Variants in MSRA observed in about 807,000 individuals in gnomAD.
The protein encoded by MSRA is methionine sulfoxide reductase A, also known as mitochondrial peptide methionine sulfoxide reductase.
MSRA carries 54 observed loss-of-function variants against 31.3 expected under a neutral mutation model. That is an observed-to-expected ratio of 1.73 (90% CI 1.39 to 2.17). The LOEUF is 2.17. Among genes scored for constraint, MSRA ranks in the 30% most tolerant of loss-of-function variants. MSRA has a pLI of 0.00. For missense variants in MSRA, 507 were observed against 300.9 expected (o/e 1.69, Z -5.07); for synonymous variants, 169 against 116.5 (o/e 1.45, Z -2.90).
At chr8:10,343,040 CACACACACACACAG>C (rs1478571781) in intron 5 of MSRA, among the ~76,000 whole-genome samples, 1,155 of 108,338 alleles carry the variant, frequency 0.011, 6 homozygotes, top group African/African-American at 0.02. Context: ...CACACACACA[CACACACACACACAG>C]ACACACACAC....
At chr8:10,140,105 G>C (rs1273214751) in intron 1 of MSRA, among the ~76,000 whole-genome samples, 1 of 152,244 alleles carries the variant, frequency 6.6e-6, no homozygotes, top group Non-Finnish European at 1.5e-5. Flanking sequence ...TTGATGAAGA[G>C]AGGACAGATG....
At chr8:10,071,412 G>A (rs1224690157) in intron 1 of MSRA, among the ~76,000 whole-genome samples, 1 of 149,120 alleles carries the variant, frequency 6.7e-6, no homozygotes, top group Non-Finnish European at 1.5e-5. Context: ...TTAGATATGT[G>A]GTTTGTAAAT....
intron 1 of MSRA, 44 bp downstream of exon 1, chr8:10,054,702 A>G (rs532030632): frequency 6.8e-7 from 1 of 1,469,110 alleles, no homozygotes; most frequent in East Asian, 2.8e-5. Flanking sequence ...GACGCTGCGC[A>G]TGCGCGCCTT....
At chr8:10,171,407 C>A (rs1379619255) in intron 1 of MSRA, among the ~76,000 whole-genome samples, 2 of 146,548 alleles carry the variant, frequency 1.4e-5, no homozygotes, top group African/African-American at 5.0e-5. Context: ...AGGAAATGAA[C>A]AGCTCTCTAC....
intron 1 of MSRA, among the ~76,000 whole-genome samples, chr8:10,115,785 A>G (rs955314778): frequency 1.3e-5 from 2 of 152,318 alleles, no homozygotes; most frequent in Admixed American, 6.5e-5. Flanking sequence ...TCACTGCTGT[A>G]TCCCCAGCAT....
intron 1 of MSRA, among the ~76,000 whole-genome samples, chr8:10,182,699 G>T (rs1379228306): frequency 1.3e-5 from 2 of 152,152 alleles, no homozygotes; most frequent in Non-Finnish European, 2.9e-5. Context: ...GAGCCATTGG[G>T]CTCAGGGCCT....
At chr8:10,384,090 A>C (rs1806239743) in intron 5 of MSRA, among the ~76,000 whole-genome samples, 1 of 152,148 alleles carries the variant, frequency 6.6e-6, no homozygotes, top group Non-Finnish European at 1.5e-5. Flanking sequence ...TTTAGCTGCC[A>C]GTTTCAGGCC....
intron 1 of MSRA, among the ~76,000 whole-genome samples, chr8:10,082,486 C>T (rs1798344883): frequency 6.6e-6 from 1 of 152,180 alleles, no homozygotes; most frequent in African/African-American, 2.4e-5. Flanking sequence ...GTCATCTTTT[C>T]TCCCACAAAA....
chr8:10,223,763 T>C (rs1333097531), intron 2 of MSRA, among the ~76,000 whole-genome samples: 1 of 152,094 alleles, frequency 6.6e-6, no homozygotes, highest in Non-Finnish European at 1.5e-5. Flanking sequence ...CAAATCTAGA[T>C]GGTTAAAGGC....
At chr8:10,373,836 G>C (rs1422341083) in intron 5 of MSRA, among the ~76,000 whole-genome samples, 1 of 152,232 alleles carries the variant, frequency 6.6e-6, no homozygotes, top group Non-Finnish European at 1.5e-5. Context: ...TGAGCCCCTG[G>C]AGGGCTCTGA....
chr8:10,280,576 GA>G (rs1477224898), intron 3 of MSRA, among the ~76,000 whole-genome samples: 11 of 152,288 alleles, frequency 7.2e-5, no homozygotes, highest in African/African-American at 2.6e-4. Flanking sequence ...GGTATGAAGG[GA>G]AAATCGTGTA....
intron 4 of MSRA, among the ~76,000 whole-genome samples, chr8:10,309,638 G>A (rs965574893): frequency 2.6e-5 from 4 of 152,176 alleles, no homozygotes; most frequent in Non-Finnish European, 4.4e-5. Flanking sequence ...GGGCTGCACC[G>A]TCTATGCTGT....
In MSRA at chr8:10,174,582, C is replaced by G. The variant is rs139792314; in HGVS notation, c.143-33251C>G. Among the ~76,000 whole-genome samples the G allele has an allele frequency of 3.8e-3, 580 of 152,250 alleles. 6 individuals are homozygous for G. Among genetic ancestry groups the G allele is most frequent in the African/African-American group, 0.014 (561 of 41,554 alleles). On this transcript the variant is annotated intron_variant, in intron 1 of 5. Coordinates refer to ENST00000317173, the MANE Select transcript of MSRA (RefSeq NM_012331.5). ...TGCAGTCCTACGTTCTTCGCACTCT[C>G]TCAGCTTCCTCCCCTGAGCTCATCC...
chr8:10,403,486 C>G (rs945721279), intron 5 of MSRA, among the ~76,000 whole-genome samples: 1 of 152,184 alleles, frequency 6.6e-6, no homozygotes, highest in Non-Finnish European at 1.5e-5. Flanking sequence ...CTGGCTGGGA[C>G]TAGAGAGCCT....
At chr8:10,251,019 C>T (rs954059802) in intron 3 of MSRA, 1 of 152,286 alleles carries the variant, frequency 6.6e-6, no homozygotes, top group African/African-American at 2.4e-5. Context: ...GGGCTGGGGC[C>T]AGCTTGTGGT....
chr8:10,287,373 A>G (rs913578294), intron 3 of MSRA, among the ~76,000 whole-genome samples: 3 of 152,220 alleles, frequency 2.0e-5, no homozygotes, highest in Non-Finnish European at 2.9e-5. Context: ...TGGAGTTCCC[A>G]TGAAGATTTA....
intron 5 of MSRA, among the ~76,000 whole-genome samples, chr8:10,320,542 T>C (rs1801991867): frequency 6.6e-6 from 1 of 152,250 alleles, no homozygotes; most frequent in African/African-American, 2.4e-5. Context: ...CACAGCCTGT[T>C]AAAATAAGTC....
At chr8:10,118,199 T>A (rs6995859) in intron 1 of MSRA, among the ~76,000 whole-genome samples, 76,748 of 152,016 alleles carry the variant, frequency 0.5, 20,367 homozygotes, top group East Asian at 0.95. Flanking sequence ...TCATTGCCCA[T>A]ATAGCCTTGG....
intron 1 of MSRA, among the ~76,000 whole-genome samples, chr8:10,175,551 C>T (rs980692895): frequency 1.3e-5 from 2 of 152,172 alleles, no homozygotes; most frequent in Non-Finnish European, 1.5e-5. Context: ...AATACCCTCA[C>T]TTTGGGTATG....
Sources: gnomAD v4.1 joint callset for allele counts (sites outside exome capture counted in the v4.1 genomes callset) on GRCh38, gnomAD v4.1.1 for gene constraint, MANE v1.5 for transcripts, NCBI Gene and HGNC (gene_info 2026-07-23, HGNC 2026-07-21) for gene names.